The following GABRA1 variants were observed in gnomAD, a reference collection of about 807,000 sequenced individuals.
The protein encoded by GABRA1 is gamma-aminobutyric acid receptor subunit alpha-1.
GABRA1 carries 9 observed loss-of-function variants against 48.9 expected under a neutral mutation model. The ratio of observed to expected loss-of-function variants is 0.18; its 90% CI spans 0.11 to 0.32. The LOEUF is 0.32. Among genes scored for constraint, GABRA1 ranks in the 10% least tolerant of loss-of-function variants. The pLI, the probability that GABRA1 is intolerant of heterozygous loss-of-function variation, is 1.00. For missense variants in GABRA1, 285 were observed against 553.8 expected, an observed-to-expected ratio of 0.51 and a Z score of 4.87; for synonymous variants, 210 against 198.7, an observed-to-expected ratio of 1.06 and a Z score of -0.48.
Position 161,875,792 on chromosome 5 carries a change from A to T in GABRA1, c.559+150A>T, listed in dbSNP as rs1005918674. The T allele has an allele frequency of 1.2e-5, 8 of 690,902 alleles. No homozygotes were observed. The African/African-American group carries it at 1.2e-4, about 11-fold the overall frequency. The allele number at this position is 690,902 out of a possible 1,614,324, so 42.8% of individuals were successfully genotyped here. On this transcript the variant is annotated intron_variant, in intron 6 of 9. Coordinates refer to ENST00000393943, the MANE Select transcript of GABRA1 (RefSeq NM_001127644.2). ...GACTTTCCATAAGTAGTGCTCTGTG[A>T]CTTCACTTTTTAATGTTGCTTCAAG... is the stretch of plus-strand genomic sequence containing the variant.
intron 3 of GABRA1, among the ~76,000 whole-genome samples, chr5:161,864,198 A>T (rs1221566611): frequency 6.6e-6 from 1 of 151,420 alleles, no homozygotes; most frequent in Non-Finnish European, 1.5e-5. Context: ...AAGTAAATTA[A>T]TTTTTTTTTC....
At chr5:161,861,933 T>C (rs1410588998) in intron 3 of GABRA1, among the ~76,000 whole-genome samples, 1 of 151,896 alleles carries the variant, frequency 6.6e-6, no homozygotes, top group Non-Finnish European at 1.5e-5. Flanking sequence ...AATAAGGCAA[T>C]AGACCTCCAT....
chr5:161,891,667 C>T (rs2113449145), intron 8 of GABRA1, among the ~76,000 whole-genome samples: 1 of 152,082 alleles, frequency 6.6e-6, no homozygotes, highest in South Asian at 2.1e-4. Flanking sequence ...AACTTATTTC[C>T]TCATGTATTA....
chr5:161,879,052 T>G lies in GABRA1; in HGVS notation c.559+3410T>G, dbSNP rs1754492519. Reference sequence around the variant, plus strand: ...ACTAAGTAATATATGTTCCCAGTGTTTTACCACCACAGAGTTCTTTCATAA... The same window carrying G: ...ACTAAGTAATATATGTTCCCAGTGTGTTACCACCACAGAGTTCTTTCATAA... On this transcript the variant is annotated intron_variant, in intron 6 of 9. Coordinates refer to ENST00000393943, the MANE Select transcript of GABRA1 (RefSeq NM_001127644.2). Among the ~76,000 whole-genome samples, 4 of 152,186 alleles carry G rather than the reference T, an allele frequency of 2.6e-5. No individual in the cohort carries two copies. In the South Asian group the frequency reaches 8.3e-4, roughly 32 times the overall value.
At chr5:161,847,629 ACT>A (rs1200535200), upstream of GABRA1, 2 of 151,952 alleles carry the variant, frequency 1.3e-5, no homozygotes, top group African/African-American at 4.8e-5. Context: ...ACCATTCGTG[ACT>A]CTGCAAGACA....
chr5:161,884,678 C>T (rs1404842287), intron 7 of GABRA1, among the ~76,000 whole-genome samples: 3 of 152,120 alleles, frequency 2.0e-5, no homozygotes, highest in East Asian at 1.9e-4. Context: ...CCTCAAGGAA[C>T]TCTTCATCTA....
At position 161,882,647 on chromosome 5, in the gene GABRA1, C is replaced by T; in HGVS notation, c.649C>T (p.Gln217Ter). ...AGCAGAAGATGGATCACGTCTAAACCAGTATGACCTTCTTGGACAAACAGT... is the reference window on the plus strand; with the variant it reads ...AGCAGAAGATGGATCACGTCTAAACTAGTATGACCTTCTTGGACAAACAGT... Reference protein sequence around the residue: ...VVAEDGSRLNQYDLLGQTVDS... With the variant: ...VVAEDGSRLN The change falls in exon 7 of 10, where the codon CAG (glutamine) becomes TAG (stop). Residue 217 changes from glutamine to a stop codon, truncating the protein, a stop_gained. Coordinates refer to ENST00000393943, the MANE Select transcript of GABRA1 (RefSeq NM_001127644.2). LOFTEE classifies it high-confidence loss of function. 6.2e-7 allele frequency: 1 copy of T among 1,613,644 alleles called. No homozygotes were observed. The highest frequency in any genetic ancestry group is 8.5e-7 in the Non-Finnish European group (1 of 1,179,740).
At position 161,875,855 on chromosome 5, in the gene GABRA1, G is replaced by A. The variant is rs141234015; in HGVS notation, c.559+213G>A. 1.8e-3 allele frequency among the ~76,000 whole-genome samples: 277 copies of A among 152,184 alleles called. 1 individual carries two copies. The highest frequency in any genetic ancestry group is 6.3e-3 in the African/African-American group (260 of 41,520). On this transcript the variant is annotated intron_variant, in intron 6 of 9. Transcript: ENST00000393943. ...CTTTATCTACTGAACTAGAAAGCAT[G>A]GATTAAACTAGTTATTGAAATAATT...
At chr5:161,861,207 G>C (rs1004885460) in intron 3 of GABRA1, among the ~76,000 whole-genome samples, 2 of 151,596 alleles carry the variant, frequency 1.3e-5, no homozygotes, top group Non-Finnish European at 2.9e-5. Context: ...GTACAATTTT[G>C]ATCAAGACTT....
chr5:161,856,779 G>A (rs112979104), intron 3 of GABRA1, among the ~76,000 whole-genome samples: 1 of 150,950 alleles, frequency 6.6e-6, no homozygotes, highest in Non-Finnish European at 1.5e-5. Flanking sequence ...AGTACATTTT[G>A]AGAAGGTATC....
At chr5:161,891,194 C>A in intron 8 of GABRA1, 144 bp downstream of exon 8, 3 of 781,882 alleles carry the variant, frequency 3.8e-6, no homozygotes, top group East Asian at 2.6e-5. Context: ...AATTGCCACT[C>A]TCATTATGGT....
chr5:161,862,110 C>G (rs534569768), intron 3 of GABRA1, among the ~76,000 whole-genome samples: 2 of 151,896 alleles, frequency 1.3e-5, no homozygotes, highest in South Asian at 4.1e-4. Flanking sequence ...TTTTTTATTA[C>G]AGTCACTCTT....
chr5:161,855,013 T>C (rs1035804154), intron 3 of GABRA1, among the ~76,000 whole-genome samples: 1 of 151,578 alleles, frequency 6.6e-6, no homozygotes. Context: ...AAAATATTGA[T>C]CTCAGAGTAA....
chr5:161,862,502 T>G (rs186522154), intron 3 of GABRA1, among the ~76,000 whole-genome samples: 48 of 152,094 alleles, frequency 3.2e-4, no homozygotes, highest in Non-Finnish European at 5.4e-4. Flanking sequence ...TGACATTTTT[T>G]CAGAGCATTT....
intron 8 of GABRA1, among the ~76,000 whole-genome samples, chr5:161,893,684 C>T (rs1258315051): frequency 2.0e-5 from 3 of 152,138 alleles, no homozygotes; most frequent in African/African-American, 7.2e-5. Context: ...CCAAATACAT[C>T]CAAGTTTGAG....
At chr5:161,870,318 T>C (rs1363992270) in intron 4 of GABRA1, among the ~76,000 whole-genome samples, 1 of 151,938 alleles carries the variant, frequency 6.6e-6, no homozygotes, top group African/African-American at 2.4e-5. Flanking sequence ...TCCCAGCACT[T>C]TGGGAGGCCG....
At chr5:161,851,218 T>C (rs552733367) in intron 2 of GABRA1, among the ~76,000 whole-genome samples, 8 of 152,184 alleles carry the variant, frequency 5.3e-5, no homozygotes, top group Non-Finnish European at 1.2e-4. Flanking sequence ...GGTTGCATAC[T>C]GTGTAACCTG....
intron 4 of GABRA1, among the ~76,000 whole-genome samples, chr5:161,868,697 AG>A (rs1753982776): frequency 6.6e-6 from 1 of 152,152 alleles, no homozygotes; most frequent in Non-Finnish European, 1.5e-5. Flanking sequence ...GAGTTGTTAA[AG>A]GACAATGCCC....
At chr5:161,855,090 A>G (rs890766760) in intron 3 of GABRA1, among the ~76,000 whole-genome samples, 17 of 151,614 alleles carry the variant, frequency 1.1e-4, no homozygotes, top group Admixed American at 4.0e-4. Context: ...AGAATCCATG[A>G]TTCCCAACTA....
Sources: allele counts gnomAD v4.1 joint callset (sites outside exome capture counted in the v4.1 genomes callset), GRCh38; gene constraint gnomAD v4.1.1; transcripts MANE v1.5; gene names NCBI Gene and HGNC (gene_info 2026-07-23, HGNC 2026-07-21).